RPS6KA5: variants seen among roughly 807,000 people sequenced by gnomAD.
The protein encoded by RPS6KA5 is ribosomal protein S6 kinase A5.
RPS6KA5 carries 27 observed loss-of-function variants against 85.5 expected under a neutral mutation model. That is an observed-to-expected ratio of 0.32 (90% CI 0.23 to 0.44). The LOEUF (loss-of-function observed/expected upper bound fraction) is 0.44, where lower values mean the gene tolerates loss of function less well. RPS6KA5 is among the 20% of genes least tolerant of loss of function. The pLI, the probability that RPS6KA5 is intolerant of heterozygous loss-of-function variation, is 1.00. For synonymous variants in RPS6KA5, 334 were observed against 348.2 expected, an observed-to-expected ratio of 0.96 and a Z score of 0.46; for missense variants, 811 against 980.9, an observed-to-expected ratio of 0.83 and a Z score of 2.31.
chr14:91,026,900 T>C (rs1283801836), intron 1 of RPS6KA5, among the ~76,000 whole-genome samples: 1 of 152,234 alleles, frequency 6.6e-6, no homozygotes, highest in African/African-American at 2.4e-5. Flanking sequence ...TTTTTCATGT[T>C]TGTTGGCCAC....
chr14:90,893,351 T>A (rs957071754), intron 13 of RPS6KA5, among the ~76,000 whole-genome samples: 4 of 152,202 alleles, frequency 2.6e-5, no homozygotes, highest in African/African-American at 9.6e-5. Context: ...GATTAATTAC[T>A]AGTACTGTGA....
chr14:91,018,587 C>G (rs2041605031), intron 1 of RPS6KA5, among the ~76,000 whole-genome samples: 1 of 152,212 alleles, frequency 6.6e-6, no homozygotes, highest in African/African-American at 2.4e-5. Context: ...ATGCTGGATT[C>G]TTCCTTCTGT....
At chr14:91,059,140 C>T (rs1011223825) in intron 1 of RPS6KA5, among the ~76,000 whole-genome samples, 1 of 151,928 alleles carries the variant, frequency 6.6e-6, no homozygotes, top group Non-Finnish European at 1.5e-5. Context: ...CCAGCCTGAC[C>T]AACGTGGAGA....
At chr14:91,057,699 GGATT>G (rs1362502938) in intron 1 of RPS6KA5, among the ~76,000 whole-genome samples, 4 of 152,142 alleles carry the variant, frequency 2.6e-5, no homozygotes, top group African/African-American at 4.8e-5. Context: ...AAATTACACT[GGATT>G]AATTCACACA....
intron 5 of RPS6KA5, among the ~76,000 whole-genome samples, chr14:90,929,937 C>T (rs2036882750): frequency 1.3e-5 from 2 of 152,054 alleles, no homozygotes; most frequent in South Asian, 2.1e-4. Flanking sequence ...GTGGCATGAT[C>T]GCAGCTCACT....
chr14:90,967,129 C>G (rs947604554), intron 3 of RPS6KA5, among the ~76,000 whole-genome samples: 2 of 152,180 alleles, frequency 1.3e-5, no homozygotes, highest in Non-Finnish European at 2.9e-5. Flanking sequence ...CATTTATCAT[C>G]CCATTGAAAT....
intron 5 of RPS6KA5, among the ~76,000 whole-genome samples, chr14:90,926,991 A>C (rs2036710658): frequency 6.6e-6 from 1 of 152,138 alleles, no homozygotes; most frequent in African/African-American, 2.4e-5. Flanking sequence ...TGATTTGTGG[A>C]AATTTAGCAG....
At chr14:90,999,414 G>A (rs2040681391) in intron 2 of RPS6KA5, among the ~76,000 whole-genome samples, 2 of 152,090 alleles carry the variant, frequency 1.3e-5, no homozygotes, top group Admixed American at 6.5e-5. Context: ...AGAGTGTGAC[G>A]CTAAACTGCA....
chr14:90,866,211 C>G lies in RPS6KA5; in HGVS notation c.*5863G>C, dbSNP rs551143592. The G allele has an allele frequency of 6.6e-6, 1 of 152,410 alleles. No individual in the cohort carries two copies. Among genetic ancestry groups the G allele is most frequent in the South Asian group, 2.1e-4 (1 of 4,830 alleles). 9.4% of individuals were successfully genotyped at this position (152,410 alleles called of 1,614,324 possible). On this transcript the variant is annotated 3_prime_UTR_variant, in exon 17 of 17. Transcript: ENST00000614987. ...AGACAACTCACAAAGCAACTCACGG[C>G]TGGGCAAAGCTGGGAGGCTGAGGCG...
At chr14:91,060,033 G>A in intron 1 of RPS6KA5, 1 of 985,288 alleles carries the variant, frequency 1.0e-6, no homozygotes, top group Non-Finnish European at 1.2e-6. Flanking sequence ...CGGGAAGGGG[G>A]AGCAGCGACA....
intron 2 of RPS6KA5, among the ~76,000 whole-genome samples, chr14:90,989,953 G>C (rs372817280): frequency 6.6e-6 from 1 of 152,262 alleles, no homozygotes; most frequent in East Asian, 1.9e-4. Flanking sequence ...AGATGTGAAG[G>C]AAAATTCAGA....
chr14:90,931,262 T>G (rs756231338), intron 5 of RPS6KA5, among the ~76,000 whole-genome samples: 8 of 152,158 alleles, frequency 5.3e-5, no homozygotes, highest in Non-Finnish European at 7.3e-5. Context: ...TTGAGAACTA[T>G]GCTAAGTGAA....
chr14:91,060,109 C>G (rs1334729026), intron 1 of RPS6KA5: 3 of 985,348 alleles, frequency 3.0e-6, no homozygotes, highest in East Asian at 1.1e-4. Context: ...TGGTGCCCGC[C>G]GCTCATTCCC....
rs2032568752 is a variant in RPS6KA5 at position 90,861,823 on chromosome 14, G to C, written c.*10251C>G. The C allele has an allele frequency of 6.6e-6, 1 of 151,166 alleles. No homozygotes were observed. Among genetic ancestry groups the C allele is most frequent in the Admixed American group, 6.6e-5 (1 of 15,166 alleles). The allele number at this position is 151,166 out of a possible 1,614,324, so 9.4% of individuals were successfully genotyped here. ...TGAGGCAGGAGAATCGCTTGAACCA[G>C]GGAATCAGAGGTTGCAGTGAGCCAA... On this transcript the variant is annotated 3_prime_UTR_variant, in exon 17 of 17. Coordinates refer to ENST00000614987, the MANE Select transcript of RPS6KA5 (RefSeq NM_004755.4).
At chr14:91,031,277 C>A (rs554935667) in intron 1 of RPS6KA5, among the ~76,000 whole-genome samples, 1 of 152,208 alleles carries the variant, frequency 6.6e-6, no homozygotes, top group African/African-American at 2.4e-5. Flanking sequence ...AAACCTGTCA[C>A]AAATATGAGA....
At chr14:91,041,302 A>C (rs764885759) in intron 1 of RPS6KA5, among the ~76,000 whole-genome samples, 3 of 152,102 alleles carry the variant, frequency 2.0e-5, no homozygotes, top group Non-Finnish European at 4.4e-5. Flanking sequence ...ACTTTTTTTC[A>C]TTTCCCTTGT....
At chr14:90,960,122 C>G (rs531268999) in intron 3 of RPS6KA5, among the ~76,000 whole-genome samples, 1 of 152,062 alleles carries the variant, frequency 6.6e-6, no homozygotes, top group Non-Finnish European at 1.5e-5. Flanking sequence ...ACATTTGGAC[C>G]AGTGGGGTTC....
intron 14 of RPS6KA5, among the ~76,000 whole-genome samples, chr14:90,889,596 A>G (rs2034440265): frequency 6.6e-6 from 1 of 152,186 alleles, no homozygotes; most frequent in Non-Finnish European, 1.5e-5. Flanking sequence ...ATATATAAAA[A>G]AAATTCATTT....
chr14:90,935,160 C>T (rs1249427624), intron 5 of RPS6KA5, among the ~76,000 whole-genome samples: 1 of 152,152 alleles, frequency 6.6e-6, no homozygotes, highest in African/African-American at 2.4e-5. Context: ...ATCTGATTCT[C>T]AATGCAAACA....
Sources: allele counts gnomAD v4.1 joint callset (sites outside exome capture counted in the v4.1 genomes callset), GRCh38; gene constraint gnomAD v4.1.1; transcripts MANE v1.5; gene names NCBI Gene and HGNC (gene_info 2026-07-23, HGNC 2026-07-21).